Variants in GNL3L observed in about 807,000 individuals in gnomAD.
The protein encoded by GNL3L is G protein nucleolar 3 like, also known as guanine nucleotide-binding protein-like 3-like protein.
Under a neutral mutation model 42.9 loss-of-function variants are expected in GNL3L, and 4 were observed. The observed-to-expected ratio is 0.09, with a 90% CI of 0.05 to 0.21. GNL3L has a LOEUF of 0.21. Among genes scored for constraint, GNL3L ranks in the 10% least tolerant of loss-of-function variants. The pLI is 1.00. For synonymous variants in GNL3L, 159 were observed against 176.3 expected (o/e 0.90, Z 0.78); for missense variants, 412 against 481.7 (o/e 0.86, Z 1.36).
intron 1 of GNL3L, among the ~76,000 whole-genome samples, chrX:54,530,761 G>A (rs1360416698): frequency 8.9e-6 from 1 of 112,176 alleles, no homozygotes; most frequent in Admixed American, 9.4e-5. Flanking sequence ...GACTTCTCCC[G>A]ACTTAAGGCA....
chrX:54,620,125 C>A (rs1569542726), intron 16 of GNL3L, among the ~76,000 whole-genome samples: 1 of 111,442 alleles, frequency 9.0e-6, no homozygotes. Flanking sequence ...GTGTTACAAA[C>A]AATACAATTA....
In GNL3L at chrX:54,582,203, C is replaced by G. The variant is rs146337855; in HGVS notation, c.*45+21556C>G. ...CCCTAGGAGAGCTGATTGTCAAGAG[C>G]TGATTGTCTGGCACCTCCCCTCTCT... On this transcript the variant is annotated intron_variant, in intron 16 of 16. Transcript: ENST00000674498. Among the ~76,000 whole-genome samples the G allele has an allele frequency of 1.6e-3, 178 of 111,082 alleles. 2 individuals carry two copies. The highest frequency in any genetic ancestry group is 5.6e-3 in the African/African-American group (171 of 30,551).
the GNL3L span, among the ~76,000 whole-genome samples, chrX:54,639,851 A>G: frequency 9.1e-6 from 1 of 110,165 alleles, no homozygotes; most frequent in African/African-American, 3.3e-5. Flanking sequence ...GGTGAGAGTA[A>G]CAGGGTCGGA....
At chrX:54,570,909 G>A (rs1196383215), downstream of GNL3L, among the ~76,000 whole-genome samples, 1 of 111,279 alleles carries the variant, frequency 9.0e-6, no homozygotes, top group Non-Finnish European at 1.9e-5. Context: ...TACTCACATA[G>A]TTACCATTTC....
the GNL3L span, among the ~76,000 whole-genome samples, chrX:54,630,723 T>TCTTC: frequency 1.2e-5 from 1 of 84,046 alleles, no homozygotes; most frequent in African/African-American, 6.7e-5. Context: ...TTTCTTTCTT[T>TCTTC]CTTTCTTTCT....
chrX:54,531,617 C>T (rs1205653714), intron 1 of GNL3L, among the ~76,000 whole-genome samples: 1 of 111,613 alleles, frequency 9.0e-6, no homozygotes, highest in African/African-American at 3.3e-5. Flanking sequence ...TCACAGTCCA[C>T]CTTCCATAGA....
At chrX:54,598,669 A>G (rs1925966824) in intron 16 of GNL3L, among the ~76,000 whole-genome samples, 1 of 111,683 alleles carries the variant, frequency 9.0e-6, no homozygotes, top group African/African-American at 3.2e-5. Flanking sequence ...GTAGATTGGT[A>G]ATATAAGTAG....
the GNL3L span, among the ~76,000 whole-genome samples, chrX:54,628,495 T>C: frequency 3.6e-5 from 4 of 111,277 alleles, no homozygotes; most frequent in African/African-American, 1.3e-4. Flanking sequence ...AGTGTTGCCT[T>C]TTCAACACAT....
chrX:54,549,763 A>C (rs1467674609), intron 9 of GNL3L, among the ~76,000 whole-genome samples: 1 of 112,379 alleles, frequency 8.9e-6, no homozygotes, highest in Non-Finnish European at 1.9e-5. Flanking sequence ...TTGACCCTCG[A>C]ACATAATCAC....
chrX:54,548,533 G>C (rs1310072993), intron 9 of GNL3L, among the ~76,000 whole-genome samples, 160 bp downstream of exon 9: 1 of 111,147 alleles, frequency 9.0e-6, no homozygotes, highest in East Asian at 2.8e-4. Context: ...GGGCATCACT[G>C]CGTATTGAGT....
chrX:54,607,078 CTTTCTTCT>C lies in GNL3L; in HGVS notation c.*46-13764_*46-13757del, dbSNP rs1275205807. Among the ~76,000 whole-genome samples, 100 of 27,287 alleles carry C rather than the reference CTTTCTTCT, an allele frequency of 3.7e-3. 1 individual carries two copies. Among genetic ancestry groups the C allele is most frequent in the African/African-American group, 0.012 (51 of 4,360 alleles). 23.7% of individuals were successfully genotyped at this position (27,287 alleles called of 115,157 possible). A position where few individuals can be genotyped will look rare whatever the true frequency, so the allele number is the denominator to read the frequency against. On this transcript the variant is annotated intron_variant, in intron 16 of 16. Coordinates refer to the GNL3L transcript ENST00000674498. Reference sequence around the variant, plus strand: ...TTTCTTTCTTTCTTTCTTTCTCTTTCTTTCTTCTTTCTTTCTTTCTTTCTTTCTTTCTT... The same window carrying C: ...TTTCTTTCTTTCTTTCTTTCTCTTTCTTCTTTCTTTCTTTCTTTCTTTCTT...
chrX:54,585,304 AT>A (rs1208170857), intron 16 of GNL3L, among the ~76,000 whole-genome samples: 16 of 105,276 alleles, frequency 1.5e-4, no homozygotes, highest in Admixed American at 3.1e-4. Flanking sequence ...ATTTTCCCTT[AT>A]TTTTTTTTTA....
chrX:54,574,432 A>G (rs949040056), intron 16 of GNL3L, among the ~76,000 whole-genome samples: 1 of 112,224 alleles, frequency 8.9e-6, no homozygotes, highest in African/African-American at 3.2e-5. Context: ...AGCGTATTGC[A>G]TTAATTGATC....
At position 54,562,557 on chromosome X, in the gene GNL3L, GA is replaced by G. The variant is rs1333566551; in HGVS notation, c.*1956del. ...AGTACAAACTGCACCAAGCCCTGGA[GA>G]CCCATTACCACCGTTAACCCTCAAT... On this transcript the variant is annotated 3_prime_UTR_variant, in exon 16 of 16. Coordinates refer to ENST00000360845, the MANE Select transcript of GNL3L (RefSeq NM_001184819.2). 9.0e-6 allele frequency among the ~76,000 whole-genome samples: 1 copy of G among 110,818 alleles called. No homozygotes were observed. Among genetic ancestry groups the G allele is most frequent in the Non-Finnish European group, 1.9e-5 (1 of 52,948 alleles).
chrX:54,571,837 CA>C (rs1431780490), downstream of GNL3L, among the ~76,000 whole-genome samples: 2 of 108,757 alleles, frequency 1.8e-5, no homozygotes, highest in Non-Finnish European at 3.8e-5. Flanking sequence ...ATTAATTTAT[CA>C]AATATTTTTT....
Position 54,565,050 on chromosome X carries a change from T to C in GNL3L, c.*4448T>C, listed in dbSNP as rs1286821200. Reference sequence around the variant, plus strand: ...GTGTCCGGCCATATATTTTCGTCTTTTGAAGACTGTTATATACATGAAATT... The same window carrying C: ...GTGTCCGGCCATATATTTTCGTCTTCTGAAGACTGTTATATACATGAAATT... On this transcript the variant is annotated 3_prime_UTR_variant, in exon 16 of 16. Coordinates refer to ENST00000360845, the MANE Select transcript of GNL3L (RefSeq NM_001184819.2). Among the ~76,000 whole-genome samples, 1 of 111,508 alleles carries C rather than the reference T, an allele frequency of 9.0e-6. No homozygotes were observed. The highest frequency in any genetic ancestry group is 3.3e-5 in the African/African-American group (1 of 30,671).
chrX:54,622,949 G>A (rs1926306521), downstream of GNL3L, among the ~76,000 whole-genome samples: 1 of 111,760 alleles, frequency 8.9e-6, no homozygotes, highest in South Asian at 3.7e-4. Flanking sequence ...AAATTCAGTT[G>A]TCCCAGCACC....
intron 7 of GNL3L, 78 bp from the exon 8 acceptor site, chrX:54,544,145 G>A: frequency 3.7e-6 from 2 of 541,003 alleles, no homozygotes; most frequent in Admixed American, 2.8e-5. Context: ...CTTTGGGTAC[G>A]GGTGGAGGTG....
At chrX:54,614,492 G>T (rs1168229286) in intron 16 of GNL3L, among the ~76,000 whole-genome samples, 2 of 111,034 alleles carry the variant, frequency 1.8e-5, no homozygotes, top group Admixed American at 1.9e-4. Flanking sequence ...CCTTCTCCCT[G>T]TGGAGCTTTA....
Sources: gnomAD v4.1 joint callset for allele counts (sites outside exome capture counted in the v4.1 genomes callset) on GRCh38, gnomAD v4.1.1 for gene constraint, MANE v1.5 for transcripts, NCBI Gene and HGNC (gene_info 2026-07-23, HGNC 2026-07-21) for gene names.